Variants in RABGAP1 observed in about 807,000 individuals in gnomAD.
RABGAP1 encodes rab GTPase-activating protein 1.
In RABGAP1, 23 loss-of-function variants were observed where a neutral mutation model predicts 137.6. The ratio of observed to expected loss-of-function variants is 0.17; its 90% CI spans 0.12 to 0.24. The LOEUF is 0.24. RABGAP1 is among the 10% of genes least tolerant of loss of function. RABGAP1 has a pLI of 1.00. For synonymous variants in RABGAP1, 451 were observed against 450.7 expected (o/e 1.00, Z -0.01); for missense variants, 906 against 1,275.8 (o/e 0.71, Z 4.42).
chr9:122,968,163 T>C (rs1835273763), intron 2 of RABGAP1, among the ~76,000 whole-genome samples: 2 of 151,910 alleles, frequency 1.3e-5, no homozygotes, highest in South Asian at 4.1e-4. Context: ...TCAGTGTAAA[T>C]AGGGTATCCA....
chr9:122,950,169 A>G (rs904714369), intron 1 of RABGAP1, among the ~76,000 whole-genome samples: 1 of 152,202 alleles, frequency 6.6e-6, no homozygotes, highest in African/African-American at 2.4e-5. Flanking sequence ...TAAATAATCA[A>G]TGACTAGGAA....
chr9:123,067,209 G>A (rs700063), intron 14 of RABGAP1, among the ~76,000 whole-genome samples: 148,667 of 152,310 alleles, frequency 0.98, 72,660 homozygotes, highest in East Asian at 1. Flanking sequence ...GCTGCAGACA[G>A]TCATTTCTGT....
intron 13 of RABGAP1, among the ~76,000 whole-genome samples, chr9:123,057,079 G>A (rs2132084538): frequency 6.6e-6 from 1 of 150,796 alleles, no homozygotes; most frequent in East Asian, 2.0e-4. Flanking sequence ...TCACCTCCCG[G>A]ACGGGGCGGC....
chr9:123,035,639 C>CGTGTGT lies in RABGAP1; in HGVS notation c.1794+15219_1794+15224dup, dbSNP rs5900552. ...TGAAGTGGCTCAGTTACGGGGTTCC[C>CGTGTGT]GTGTGTGTGTGTGTGTGTGTGTGTG... On this transcript the variant is annotated intron_variant, in intron 13 of 25. Coordinates refer to ENST00000373647, the MANE Select transcript of RABGAP1 (RefSeq NM_012197.4). The CGTGTGT allele has an allele frequency of 1.1e-3, 781 of 733,286 alleles. 4 individuals are homozygous for CGTGTGT. The African/African-American group carries it at 0.013, about 12-fold the overall frequency. The allele number at this position is 733,286 out of a possible 1,614,324, so 45.4% of individuals were successfully genotyped here.
At chr9:122,989,869 T>A in intron 5 of RABGAP1, 187 bp from the exon 6 acceptor site, 4 of 608,248 alleles carry the variant, frequency 6.6e-6, no homozygotes, top group Non-Finnish European at 8.1e-6. Context: ...ATTTCTTTTT[T>A]AAAACCCCTT....
intron 13 of RABGAP1, chr9:123,020,778 A>T (rs2031578167): frequency 2.6e-6 from 1 of 389,658 alleles, no homozygotes; most frequent in Admixed American, 6.4e-5. Flanking sequence ...GATTATTTTA[A>T]TACTTCTCAC....
chr9:123,098,868 G>GCCCCCC, intron 23 of RABGAP1, 70 bp downstream of exon 23: 1 of 961,662 alleles, frequency 1.0e-6, no homozygotes, highest in Non-Finnish European at 1.5e-6. Flanking sequence ...ATGTATACCC[G>GCCCCCC]CCCCCCACCC....
chr9:123,098,230 T>C (rs1263478605), intron 22 of RABGAP1, among the ~76,000 whole-genome samples: 1 of 152,214 alleles, frequency 6.6e-6, no homozygotes, highest in Non-Finnish European at 1.5e-5. Context: ...TCCATAGTCA[T>C]TGGAGACACA....
At chr9:123,083,843 G>A (rs1028297961) in intron 19 of RABGAP1, among the ~76,000 whole-genome samples, 1 of 152,142 alleles carries the variant, frequency 6.6e-6, no homozygotes, top group African/African-American at 2.4e-5. Context: ...CCTCAAATAC[G>A]AGTGTTCTTC....
At chr9:123,086,573 AG>A (rs1396874127) in intron 19 of RABGAP1, among the ~76,000 whole-genome samples, 2 of 152,192 alleles carry the variant, frequency 1.3e-5, no homozygotes, top group Non-Finnish European at 2.9e-5. Context: ...CCTCAGAGGC[AG>A]CCTAAACTAG....
At chr9:122,973,904 G>A (rs930466759) in intron 2 of RABGAP1, among the ~76,000 whole-genome samples, 3 of 152,048 alleles carry the variant, frequency 2.0e-5, no homozygotes, top group Non-Finnish European at 4.4e-5. Context: ...CAGCTACTCC[G>A]GAGGCTGAGG....
chr9:122,943,354 C>T (rs534485567), intron 1 of RABGAP1, among the ~76,000 whole-genome samples: 1 of 152,172 alleles, frequency 6.6e-6, no homozygotes, highest in South Asian at 2.1e-4. Flanking sequence ...CAGGCGTGAG[C>T]CACTGCGCCC....
At chr9:122,968,220 CTT>C (rs1008036959) in intron 2 of RABGAP1, among the ~76,000 whole-genome samples, 62 of 122,858 alleles carry the variant, frequency 5.0e-4, no homozygotes, top group African/African-American at 1.6e-3. Context: ...TCAATTCTAC[CTT>C]TTTTTTTTTT....
chr9:122,996,320 A>G lies in RABGAP1; in HGVS notation c.1034+169A>G. On this transcript the variant is annotated intron_variant, in intron 7 of 25. Transcript: ENST00000373647. Reference sequence around the variant, plus strand: ...CATTACTTTGAAATAGCTACTATAAATAATCAGCTAATACGCTCTCTTCAA... The same window carrying G: ...CATTACTTTGAAATAGCTACTATAAGTAATCAGCTAATACGCTCTCTTCAA... 3.2e-6 allele frequency: 4 copies of G among 1,259,030 alleles called. No individual in the cohort carries two copies. In the South Asian group the frequency reaches 5.0e-5, roughly 16 times the overall value. The allele number at this position is 1,259,030 out of a possible 1,614,324, so 78.0% of individuals were successfully genotyped here.
intron 14 of RABGAP1, among the ~76,000 whole-genome samples, chr9:123,067,029 T>C (rs1449164440): frequency 6.6e-6 from 1 of 152,194 alleles, no homozygotes; most frequent in Admixed American, 6.5e-5. Context: ...ATACTACATC[T>C]CTAAAAAATA....
At chr9:122,950,377 C>CTTTTTTTTTTTTTTTTTTTTTTTTTTTG (rs200424486) in intron 1 of RABGAP1, among the ~76,000 whole-genome samples, 1 of 74,492 alleles carries the variant, frequency 1.3e-5, no homozygotes, top group Non-Finnish European at 2.4e-5. Context: ...CTTTTTCTTT[C>CTTTTTTTTTTTTTTTTTTTTTTTTTTTG]TTTTTTTTTT....
chr9:123,047,922 T>G (rs1050682496), intron 13 of RABGAP1, among the ~76,000 whole-genome samples: 5 of 51,946 alleles, frequency 9.6e-5, no homozygotes. Context: ...CTGCTGGGTT[T>G]TTTTTTTTTT....
At chr9:123,018,312 T>C (rs895029957) in intron 12 of RABGAP1, among the ~76,000 whole-genome samples, 2 of 152,262 alleles carry the variant, frequency 1.3e-5, no homozygotes, top group African/African-American at 4.8e-5. Context: ...TGGATAAAGT[T>C]AATATTATCA....
At chr9:122,969,034 T>C (rs988123413) in intron 2 of RABGAP1, among the ~76,000 whole-genome samples, 2 of 152,248 alleles carry the variant, frequency 1.3e-5, no homozygotes, top group Non-Finnish European at 2.9e-5. Flanking sequence ...GAAATACCCG[T>C]ATAGTCATGC....
Sources: gnomAD v4.1 joint callset for allele counts (sites outside exome capture counted in the v4.1 genomes callset) on GRCh38, gnomAD v4.1.1 for gene constraint, MANE v1.5 for transcripts, NCBI Gene and HGNC (gene_info 2026-07-23, HGNC 2026-07-21) for gene names.